Variants in DOCK2 observed in about 807,000 individuals in gnomAD.
DOCK2 encodes dedicator of cytokinesis protein 2.
Under a neutral mutation model 248.9 loss-of-function variants are expected in DOCK2, and 87 were observed. The ratio of observed to expected loss-of-function variants is 0.35; its 90% CI spans 0.29 to 0.42. DOCK2 has a LOEUF of 0.42. Ranked by LOEUF, DOCK2 falls within the 10% of genes least tolerant of loss-of-function variation. DOCK2 has a pLI of 1.00. For synonymous variants in DOCK2, 805 were observed against 821.6 expected, an observed-to-expected ratio of 0.98 and a Z score of 0.35; for missense variants, 1,747 against 2,300.2, an observed-to-expected ratio of 0.76 and a Z score of 4.92.
At chr5:169,762,742 T>A (rs1410304075) in intron 25 of DOCK2, among the ~76,000 whole-genome samples, 2 of 152,204 alleles carry the variant, frequency 1.3e-5, no homozygotes, top group African/African-American at 4.8e-5. Context: ...CCTCTCCAAT[T>A]TTCAATTTCT....
intron 28 of DOCK2, among the ~76,000 whole-genome samples, chr5:169,985,287 C>T (rs1002858930): frequency 6.6e-6 from 1 of 151,674 alleles, no homozygotes; most frequent in South Asian, 2.1e-4. Flanking sequence ...TGCTGAAGTC[C>T]GCTAAGAACC....
intron 27 of DOCK2, among the ~76,000 whole-genome samples, chr5:169,898,822 C>T (rs1166154821): frequency 2.0e-5 from 3 of 152,126 alleles, no homozygotes; most frequent in African/African-American, 7.2e-5. Flanking sequence ...AAACAGGTAG[C>T]AGGCAAGATT....
At chr5:169,954,880 A>T (rs772873494) in intron 27 of DOCK2, among the ~76,000 whole-genome samples, 6 of 152,166 alleles carry the variant, frequency 3.9e-5, no homozygotes, top group Non-Finnish European at 7.3e-5. Flanking sequence ...AGTGACTTGA[A>T]CCCACAGCCA....
At chr5:169,816,610 T>G (rs1393342540) in intron 26 of DOCK2, among the ~76,000 whole-genome samples, 1 of 152,244 alleles carries the variant, frequency 6.6e-6, no homozygotes, top group Non-Finnish European at 1.5e-5. Context: ...CAAACCTTCA[T>G]GCTCTTTCTT....
chr5:169,759,562 A>G, intron 23 of DOCK2, 143 bp from the exon 24 acceptor site: 1 of 864,788 alleles, frequency 1.2e-6, no homozygotes, highest in Non-Finnish European at 1.8e-6. Flanking sequence ...TTTGATGTCC[A>G]TACAGAGGCT....
In DOCK2 at chr5:169,752,795, C is replaced by T. The variant is rs78282268; in HGVS notation, c.2376+5291C>T. Among the ~76,000 whole-genome samples, 498 of 150,448 alleles carry T rather than the reference C, an allele frequency of 3.3e-3. 22 individuals are homozygous for T. The East Asian group carries it at 0.072, about 22-fold the overall frequency. Reference sequence around the variant, plus strand: ...TAAATAAATAAATACTGCCGGGCGCCGTGACTCACGCCTGTAATCCCAGCA... The same window carrying T: ...TAAATAAATAAATACTGCCGGGCGCTGTGACTCACGCCTGTAATCCCAGCA... On this transcript the variant is annotated intron_variant, in intron 23 of 51. Transcript: ENST00000520908.
chr5:169,821,139 C>T (rs1488118720), intron 26 of DOCK2, among the ~76,000 whole-genome samples: 2 of 152,178 alleles, frequency 1.3e-5, no homozygotes, highest in Non-Finnish European at 2.9e-5. Flanking sequence ...AAATCTACGT[C>T]TGATTGGTGT....
At chr5:169,946,880 A>G (rs1011452116) in intron 27 of DOCK2, among the ~76,000 whole-genome samples, 1 of 152,216 alleles carries the variant, frequency 6.6e-6, no homozygotes, top group Non-Finnish European at 1.5e-5. Context: ...GGAGCCAGCT[A>G]TGCAAAGATC....
intron 26 of DOCK2, among the ~76,000 whole-genome samples, chr5:169,817,161 G>C (rs1246922306): frequency 2.6e-5 from 4 of 152,114 alleles, no homozygotes; most frequent in African/African-American, 9.7e-5. Flanking sequence ...ATCACCCCAG[G>C]TTCTTTTAGC....
intron 33 of DOCK2, among the ~76,000 whole-genome samples, 153 bp from the exon 34 acceptor site, chr5:170,027,710 T>C (rs1475971910): frequency 1.3e-5 from 2 of 152,158 alleles, no homozygotes; most frequent in Non-Finnish European, 2.9e-5. Context: ...AAGGCAGACA[T>C]AGTATTCTGT....
intron 27 of DOCK2, among the ~76,000 whole-genome samples, chr5:169,879,566 G>A (rs994190874): frequency 6.6e-6 from 1 of 152,216 alleles, no homozygotes; most frequent in Non-Finnish European, 1.5e-5. Flanking sequence ...AAAGGATGGT[G>A]TGCATGAAGG....
chr5:169,742,720 C>T (rs374748677), intron 22 of DOCK2, among the ~76,000 whole-genome samples: 1 of 152,152 alleles, frequency 6.6e-6, no homozygotes, highest in African/African-American at 2.4e-5. Flanking sequence ...TATGTACCTG[C>T]GTGAAAGAGG....
chr5:169,658,251 C>T (rs779321468), intron 2 of DOCK2, among the ~76,000 whole-genome samples: 3 of 151,788 alleles, frequency 2.0e-5, no homozygotes, highest in Non-Finnish European at 2.9e-5. Context: ...GAGGCAGAGG[C>T]GGGTGGATCA....
At chr5:169,679,798 G>A (rs879361466) in intron 6 of DOCK2, among the ~76,000 whole-genome samples, 11 of 152,142 alleles carry the variant, frequency 7.2e-5, no homozygotes, top group South Asian at 6.2e-4. Flanking sequence ...ACCTTGGCTC[G>A]CTTCTGACTG....
At chr5:169,893,552 T>TG (rs1164456731) in intron 27 of DOCK2, among the ~76,000 whole-genome samples, 1 of 151,626 alleles carries the variant, frequency 6.6e-6, no homozygotes, top group Non-Finnish European at 1.5e-5. Flanking sequence ...GGTCAAACAC[T>TG]GGGGGAGCTG....
intron 26 of DOCK2, among the ~76,000 whole-genome samples, chr5:169,808,655 C>T (rs899246908): frequency 6.6e-6 from 1 of 152,148 alleles, no homozygotes; most frequent in African/African-American, 2.4e-5. Context: ...CACACTGCTT[C>T]GTTCTGTGCT....
intron 27 of DOCK2, among the ~76,000 whole-genome samples, chr5:169,908,988 A>G (rs993995388): frequency 6.6e-6 from 1 of 152,202 alleles, no homozygotes; most frequent in African/African-American, 2.4e-5. Context: ...TCTGGCAGAG[A>G]GAGCCACTGT....
intron 39 of DOCK2, among the ~76,000 whole-genome samples, chr5:170,046,151 G>A (rs931198999): frequency 3.9e-5 from 6 of 152,226 alleles, no homozygotes; most frequent in African/African-American, 1.2e-4. Context: ...GAGTACCTGC[G>A]AGGGGCTGCA....
intron 27 of DOCK2, among the ~76,000 whole-genome samples, chr5:169,866,268 C>A (rs1380542788): frequency 6.6e-6 from 1 of 152,180 alleles, no homozygotes; most frequent in East Asian, 1.9e-4. Flanking sequence ...ATAATCCTGG[C>A]TGGATGACCT....
Sources: gnomAD v4.1 joint callset for allele counts (sites outside exome capture counted in the v4.1 genomes callset) on GRCh38, gnomAD v4.1.1 for gene constraint, MANE v1.5 for transcripts, NCBI Gene and HGNC (gene_info 2026-07-23, HGNC 2026-07-21) for gene names.